The following SERAC1 variants were observed in gnomAD, a reference collection of about 807,000 sequenced individuals.
SERAC1 encodes serine active site containing 1, also known as protein SERAC1.
A neutral mutation model predicts 85.7 loss-of-function variants in SERAC1; 36 were observed. The ratio of observed to expected loss-of-function variants is 0.42; its 90% CI spans 0.32 to 0.55. The LOEUF (loss-of-function observed/expected upper bound fraction) is 0.55, where lower values mean the gene tolerates loss of function less well. SERAC1 is among the 20% of genes least tolerant of loss of function. The pLI is 0.11. For missense variants in SERAC1, 629 were observed against 796.2 expected, an observed-to-expected ratio of 0.79 and a Z score of 2.53; for synonymous variants, 242 against 265.3, an observed-to-expected ratio of 0.91 and a Z score of 0.85.
intron 5 of SERAC1, among the ~76,000 whole-genome samples, chr6:158,148,222 T>C (rs6904472): frequency 0.016 from 2,505 of 152,322 alleles, 80 homozygotes; most frequent in African/African-American, 0.057. Flanking sequence ...AGCTCCACAC[T>C]GTAGATTAAC....
At position 158,117,317 on chromosome 6, in the gene SERAC1, A is replaced by T; in HGVS notation, c.1403+410T>A. The T allele has an allele frequency of 1.7e-6, 1 of 591,494 alleles. No homozygotes were observed. The highest frequency in any genetic ancestry group is 2.9e-6 in the Non-Finnish European group (1 of 338,988). The allele number at this position is 591,494 out of a possible 1,614,324, so 36.6% of individuals were successfully genotyped here. On this transcript the variant is annotated intron_variant, in intron 13 of 16. Coordinates refer to ENST00000647468, the MANE Select transcript of SERAC1 (RefSeq NM_032861.4). This position sits in a 1 kb window ranked among gnomAD's most constrained non-coding sequence, Gnocchi z 4.3. ...AAATCCAGCACTCCTTCCCATGTAT[A>T]CAACTGGCACAGATGACATACAAGG... is the stretch of plus-strand genomic sequence containing the variant.
intron 7 of SERAC1, 85 bp downstream of exon 7, chr6:158,144,214 T>C: frequency 9.3e-7 from 1 of 1,075,286 alleles, no homozygotes; most frequent in Non-Finnish European, 1.3e-6. Flanking sequence ...CAACTACTTT[T>C]TTAAAGTGTT....
Position 158,131,628 on chromosome 6 carries a change from G to A in SERAC1, c.739-1142C>T, listed in dbSNP as rs187989537. On this transcript the variant is annotated intron_variant, in intron 8 of 16. Coordinates refer to ENST00000647468, the MANE Select transcript of SERAC1 (RefSeq NM_032861.4). ...GACGAGGTTCTAGGGAAACAAGCAC[G>A]CACAGCACCCTGCTGCGAGTGGTAT... Among the ~76,000 whole-genome samples the A allele has an allele frequency of 1.3e-3, 196 of 151,980 alleles. 1 individual carries two copies. The highest frequency in any genetic ancestry group is 1.8e-3 in the Non-Finnish European group (123 of 67,974).
chr6:158,150,791 T>C (rs1391332044), intron 3 of SERAC1, among the ~76,000 whole-genome samples: 1 of 152,208 alleles, frequency 6.6e-6, no homozygotes, highest in South Asian at 2.1e-4. Flanking sequence ...TATACGATAG[T>C]GGTCTCATAA....
intron 3 of SERAC1, among the ~76,000 whole-genome samples, chr6:158,154,001 CAAT>C (rs368071530): frequency 2.0e-5 from 3 of 148,200 alleles, no homozygotes; most frequent in African/African-American, 4.9e-5. Flanking sequence ...ATAATAATAA[CAAT>C]AATAATAACA....
intron 10 of SERAC1, among the ~76,000 whole-genome samples, chr6:158,126,073 AAC>A (rs1337181031): frequency 3.3e-5 from 5 of 152,228 alleles, no homozygotes; most frequent in Non-Finnish European, 5.9e-5. Flanking sequence ...TCCATCCCAC[AAC>A]ACACATATAT....
At chr6:158,153,194 A>C (rs1785247173) in intron 3 of SERAC1, among the ~76,000 whole-genome samples, 1 of 152,226 alleles carries the variant, frequency 6.6e-6, no homozygotes. Flanking sequence ...CCTGTTTTTG[A>C]AATTCATATC....
In SERAC1 at chr6:158,128,153, T is replaced by A. The variant is rs1784590058; in HGVS notation, c.970A>T (p.Asn324Tyr). Reference protein sequence around the residue: ...VQRNIMRVIGNMALNEHLHSS... With the variant: ...VQRNIMRVIGYMALNEHLHSS... ...TGAAGATGTTCATTCAAAGCCATAT[T>A]TCCAATGACACGCATTATATTTCTC... The change falls in exon 10 of 17, where the codon AAT (asparagine) becomes TAT (tyrosine). Residue 324 changes from asparagine to tyrosine, a missense_variant. By Grantham distance (143) the Asn-to-Tyr change is moderately radical. Transcript: ENST00000647468. 1 of 1,614,018 alleles carries A rather than the reference T, an allele frequency of 6.2e-7. No individual in the cohort carries two copies. Among genetic ancestry groups the A allele is most frequent in the Non-Finnish European group, 8.5e-7 (1 of 1,180,000 alleles).
intron 1 of SERAC1, chr6:158,161,239 T>C (rs1427327859): frequency 3.3e-5 from 5 of 152,078 alleles, no homozygotes. Flanking sequence ...AAAAATTAGC[T>C]GGGCCTGTTG....
intron 1 of SERAC1, among the ~76,000 whole-genome samples, chr6:158,159,911 T>G (rs936143710): frequency 6.6e-6 from 1 of 152,214 alleles, no homozygotes; most frequent in African/African-American, 2.4e-5. Flanking sequence ...CAGGCAAAGA[T>G]TATCTTATTC....
chr6:158,152,586 G>A (rs745788149), intron 3 of SERAC1, among the ~76,000 whole-genome samples: 2 of 152,028 alleles, frequency 1.3e-5, no homozygotes, highest in Non-Finnish European at 1.5e-5. Flanking sequence ...GTGCAGTAAT[G>A]TCCTAGGCCC....
chr6:158,132,721 T>C (rs1043923122), intron 8 of SERAC1, among the ~76,000 whole-genome samples: 7 of 152,222 alleles, frequency 4.6e-5, no homozygotes, highest in African/African-American at 1.7e-4. Context: ...TTGTTACCTA[T>C]GAATTGGCAG....
At chr6:158,158,440 G>A in intron 1 of SERAC1, 76 bp from the exon 2 acceptor site, 1 of 1,119,826 alleles carries the variant, frequency 8.9e-7, no homozygotes, top group Non-Finnish European at 1.3e-6. Flanking sequence ...ACAAGAACAT[G>A]TTACCATCAC....
chr6:158,161,755 T>A (rs1039035298), intron 1 of SERAC1: 3 of 152,094 alleles, frequency 2.0e-5, no homozygotes, highest in Non-Finnish European at 4.4e-5. Flanking sequence ...GCTTCTCATA[T>A]GCAAACCAAC....
chr6:158,115,723 C>G (rs1398272472), intron 14 of SERAC1, among the ~76,000 whole-genome samples: 1 of 152,174 alleles, frequency 6.6e-6, no homozygotes, highest in East Asian at 1.9e-4. Context: ...CTTGATCACA[C>G]CTGTACCTCA....
At chr6:158,127,366 G>A (rs1784567176) in intron 10 of SERAC1, among the ~76,000 whole-genome samples, 1 of 55,344 alleles carries the variant, frequency 1.8e-5, no homozygotes, top group Non-Finnish European at 3.8e-5. Context: ...CGTCCGGGAG[G>A]GAGGTGGGGG....
chr6:158,127,370 GT>G (rs1784567582), intron 10 of SERAC1, among the ~76,000 whole-genome samples: 1 of 54,944 alleles, frequency 1.8e-5, no homozygotes, highest in Non-Finnish European at 4.2e-5. Context: ...CGGGAGGGAG[GT>G]GGGGGGGTCA....
Position 158,120,166 on chromosome 6 carries a change from G to A in SERAC1, c.1166+259C>T, listed in dbSNP as rs1021344071. Among the ~76,000 whole-genome samples, 2 of 152,108 alleles carry A rather than the reference G, an allele frequency of 1.3e-5. No individual in the cohort carries two copies. Among genetic ancestry groups the A allele is most frequent in the East Asian group, 1.9e-4 (1 of 5,194 alleles). On this transcript the variant is annotated intron_variant, in intron 11 of 16. Transcript: ENST00000647468. The surrounding 1 kb of genome is among the most constrained non-coding windows in gnomAD (Gnocchi z 4.4). ...ATGTATTACAAAGTTTAAGTGTGAC[G>A]CATTATCAAATGTGAATGCCACCTA...
chr6:158,144,271 A>T, intron 7 of SERAC1, 28 bp downstream of exon 7: 1 of 1,569,810 alleles, frequency 6.4e-7, no homozygotes, highest in Non-Finnish European at 8.7e-7. Flanking sequence ...TTCACTCTCT[A>T]AATTACTATT....
Sources: gnomAD v4.1 joint callset for allele counts (sites outside exome capture counted in the v4.1 genomes callset) on GRCh38, gnomAD v4.1.1 for gene constraint, Gnocchi (gnomAD v3.1) non-coding constraint, MANE v1.5 for transcripts, NCBI Gene and HGNC (gene_info 2026-07-23, HGNC 2026-07-21) for gene names.